Variants in DOCK10 observed in about 807,000 individuals in gnomAD.
DOCK10 encodes the protein dedicator of cytokinesis 10, also known as dedicator of cytokinesis protein 10.
A neutral mutation model predicts 280.1 loss-of-function variants in DOCK10; 145 were observed. The observed-to-expected ratio is 0.52, with a 90% CI of 0.45 to 0.59. The LOEUF (loss-of-function observed/expected upper bound fraction) is 0.59, where lower values mean the gene tolerates loss of function less well. Ranked by LOEUF, DOCK10 falls within the 20% of genes least tolerant of loss-of-function variation. The pLI, the probability that DOCK10 is intolerant of heterozygous loss-of-function variation, is 0.00. For missense variants in DOCK10, 2,368 were observed against 2,651.7 expected (o/e 0.89, Z 2.35); for synonymous variants, 915 against 942.2 (o/e 0.97, Z 0.53).
chr2:225,017,598 A>AT (rs1220903307), intron 1 of DOCK10, among the ~76,000 whole-genome samples: 1 of 150,388 alleles, frequency 6.6e-6, no homozygotes, highest in African/African-American at 2.4e-5. Context: ...TTTCTTGTAG[A>AT]TTTTTTAACT....
At chr2:224,982,547 A>C (rs775997200) in intron 1 of DOCK10, 11 of 1,216,570 alleles carry the variant, frequency 9.0e-6, no homozygotes, top group Non-Finnish European at 1.1e-5. Context: ...GATGGGAAAG[A>C]TTTGATCCAC....
intron 1 of DOCK10, among the ~76,000 whole-genome samples, chr2:225,032,503 G>T (rs989031577): frequency 3.3e-5 from 5 of 151,532 alleles, no homozygotes; most frequent in Non-Finnish European, 7.4e-5. Context: ...ATGCTTCAAA[G>T]AAAACTTAAA....
Position 224,787,413 on chromosome 2 carries a change from T to C in DOCK10, c.5419-16A>G, listed in dbSNP as rs1362381754. On this transcript the variant is annotated splice_polypyrimidine_tract_variant and intron_variant, in intron 48 of 55. Transcript: ENST00000258390. ...CCAGGATATTCTGCAATTCCCCCAA[T>C]CAAAATAAGATTTTACATGATTAGG... The C allele has an allele frequency of 1.2e-6, 2 of 1,613,154 alleles. No individual in the cohort carries two copies. The highest frequency in any genetic ancestry group is 1.3e-5 in the African/African-American group (1 of 74,894).
chr2:224,771,956 T>A (rs1215329229), intron 53 of DOCK10, among the ~76,000 whole-genome samples: 2 of 151,844 alleles, frequency 1.3e-5, no homozygotes, highest in African/African-American at 2.4e-5. Context: ...AGTCTTGCTC[T>A]GTCACTGATG....
At chr2:225,014,093 TTTTTG>T (rs778234474) in intron 1 of DOCK10, among the ~76,000 whole-genome samples, 6,533 of 101,028 alleles carry the variant, frequency 0.065, 203 homozygotes, top group Middle Eastern at 0.081. Flanking sequence ...TGTTTTTTTT[TTTTTG>T]TTTTTTTTTT....
At chr2:224,931,466 ACT>A in intron 2 of DOCK10, 81 bp downstream of exon 2, 2 of 1,460,050 alleles carry the variant, frequency 1.4e-6, no homozygotes, top group Non-Finnish European at 1.8e-6. Flanking sequence ...GGAGGCCTGG[ACT>A]CTCTGAATCT....
At chr2:224,857,542 G>C (rs1697226697) in intron 14 of DOCK10, among the ~76,000 whole-genome samples, 1 of 152,154 alleles carries the variant, frequency 6.6e-6, no homozygotes, top group African/African-American at 2.4e-5. Flanking sequence ...TAAAGAAAGA[G>C]AACACTATGA....
intron 1 of DOCK10, among the ~76,000 whole-genome samples, chr2:225,023,845 C>T (rs1294477358): frequency 1.3e-5 from 2 of 152,170 alleles, no homozygotes; most frequent in African/African-American, 4.8e-5. Flanking sequence ...ACATTAATAG[C>T]AAAGGTATAA....
intron 1 of DOCK10, among the ~76,000 whole-genome samples, chr2:224,976,377 T>A (rs752894131): frequency 2.0e-5 from 3 of 152,218 alleles, no homozygotes; most frequent in Non-Finnish European, 4.4e-5. Flanking sequence ...GTTCTGCACA[T>A]GCATCCCAGA....
chr2:224,984,938 T>G (rs1575149444), intron 1 of DOCK10, among the ~76,000 whole-genome samples: 1 of 151,504 alleles, frequency 6.6e-6, no homozygotes, highest in Non-Finnish European at 1.5e-5. Context: ...GCCTCCCAGG[T>G]TCAAGTGATT....
chr2:224,830,695 A>G, intron 26 of DOCK10, 83 bp from the exon 27 acceptor site: 2 of 672,312 alleles, frequency 3.0e-6, no homozygotes, highest in South Asian at 5.9e-5. Context: ...ATGTAATACT[A>G]TAACATTGTT....
rs1453973327 is a variant in DOCK10 at position 224,876,162 on chromosome 2, C to A, written c.807G>T (p.Val269=). ...TATCTGACTCTGTTTCAGCTGCCAGCACAAAATAGGTCAGATCATTCATTT... is the reference window on the plus strand; with the variant it reads ...TATCTGACTCTGTTTCAGCTGCCAGAACAAAATAGGTCAGATCATTCATTT... The part of the protein sequence containing the change: ...ELKMNDLTYF[V]LAAETESDMD... The change falls in exon 8 of 56, where the codon GTG becomes GTT. Residue 269 remains valine, a synonymous_variant. Coordinates refer to ENST00000258390, the MANE Select transcript of DOCK10 (RefSeq NM_014689.3). The A allele has an allele frequency of 6.2e-7, 1 of 1,613,682 alleles. No homozygotes were observed. Among genetic ancestry groups the A allele is most frequent in the African/African-American group, 1.3e-5 (1 of 74,900 alleles).
At chr2:225,004,172 C>A (rs1401810760) in intron 1 of DOCK10, among the ~76,000 whole-genome samples, 1 of 152,178 alleles carries the variant, frequency 6.6e-6, no homozygotes, top group Admixed American at 6.5e-5. Context: ...AGGCTCTTTG[C>A]AGATGAGTTA....
At chr2:224,993,759 C>T (rs2126273558) in intron 1 of DOCK10, among the ~76,000 whole-genome samples, 1 of 152,288 alleles carries the variant, frequency 6.6e-6, no homozygotes. Context: ...TGACAGAGGG[C>T]AAAGCTGCAG....
At chr2:224,870,173 C>A (rs1202913514) in intron 11 of DOCK10, among the ~76,000 whole-genome samples, 1 of 152,064 alleles carries the variant, frequency 6.6e-6, no homozygotes, top group Admixed American at 6.6e-5. Context: ...GGCTTTTCCC[C>A]CTTTTGCTTG....
intron 1 of DOCK10, among the ~76,000 whole-genome samples, chr2:225,018,533 T>TGGA (rs1559965820): frequency 9.6e-5 from 1 of 10,444 alleles, no homozygotes; most frequent in African/African-American, 1.8e-4. Flanking sequence ...ATAATATATA[T>TGGA]GTAATATTAT....
intron 3 of DOCK10, among the ~76,000 whole-genome samples, chr2:224,904,423 A>C (rs1700471583): frequency 1.3e-5 from 2 of 152,352 alleles, no homozygotes; most frequent in East Asian, 1.9e-4. Flanking sequence ...TAACCTTTTA[A>C]AAATTTTGAA....
intron 55 of DOCK10, among the ~76,000 whole-genome samples, chr2:224,769,786 A>C (rs1690292413): frequency 6.6e-6 from 1 of 152,158 alleles, no homozygotes; most frequent in Non-Finnish European, 1.5e-5. Context: ...AACAGCCATG[A>C]CTAGTCTTAG....
At chr2:225,018,534 GTAATATTATATATATA>G (rs1689681604) in intron 1 of DOCK10, among the ~76,000 whole-genome samples, 1 of 31,576 alleles carries the variant, frequency 3.2e-5, no homozygotes, top group African/African-American at 1.0e-4. Flanking sequence ...TAATATATAT[GTAATATTATATATATA>G]TAATATATAT....
Sources: allele counts gnomAD v4.1 joint callset (sites outside exome capture counted in the v4.1 genomes callset), GRCh38; gene constraint gnomAD v4.1.1; transcripts MANE v1.5; gene names NCBI Gene and HGNC (gene_info 2026-07-23, HGNC 2026-07-21).